GNB5: variants seen among roughly 807,000 people sequenced by gnomAD.
The protein encoded by GNB5 is G protein subunit beta 5, also known as guanine nucleotide-binding protein subunit beta-5.
Under a neutral mutation model 55.3 loss-of-function variants are expected in GNB5, and 37 were observed. That is an observed-to-expected ratio of 0.67 (90% CI 0.51 to 0.88). The LOEUF is 0.88. GNB5 is among the 40% of genes least tolerant of loss of function. GNB5 has a pLI of 0.00. For missense variants in GNB5, 476 were observed against 515.3 expected (o/e 0.92, Z 0.74); for synonymous variants, 219 against 198.5 (o/e 1.10, Z -0.87).
At chr15:52,150,379 T>C (rs143455111) in intron 4 of GNB5, among the ~76,000 whole-genome samples, 3 of 152,310 alleles carry the variant, frequency 2.0e-5, no homozygotes, top group African/African-American at 7.2e-5. Flanking sequence ...CCGATTTGCT[T>C]TGGAGTCCAT....
chr15:52,138,016 C>T, intron 7 of GNB5: 1 of 1,180,078 alleles, frequency 8.5e-7, no homozygotes, highest in South Asian at 1.3e-5. Flanking sequence ...CACACCACAC[C>T]TTCAATTTCC....
In GNB5 at chr15:52,146,503, C is replaced by T. The variant is rs190115726; in HGVS notation, c.494+956G>A. Among the ~76,000 whole-genome samples, 319 of 152,250 alleles carry T rather than the reference C, an allele frequency of 2.1e-3. 1 individual carries two copies. The highest frequency in any genetic ancestry group is 7.4e-3 in the African/African-American group (307 of 41,550). On this transcript the variant is annotated intron_variant, in intron 6 of 12. Transcript: ENST00000261837. The stretch of plus-strand genomic sequence containing the variant: ...TGGCTGTATGATATTCCATTCAATT[C>T]GTGTACCACAATTCACTTAAGTTTT...
At position 52,117,624 on chromosome 15, in the gene GNB5, C is replaced by G. The variant is rs1226731919; in HGVS notation, c.*5133G>C. 1.3e-5 allele frequency: 2 copies of G among 152,306 alleles called. No homozygotes were observed. The highest frequency in any genetic ancestry group is 6.5e-5 in the Admixed American group (1 of 15,292). 9.4% of individuals were successfully genotyped at this position (152,306 alleles called of 1,614,324 possible). On this transcript the variant is annotated 3_prime_UTR_variant, in exon 13 of 13. Transcript: ENST00000261837. ...GAGACTGACCAACCCTGAAGGCCAG[C>G]CTGGCTCCAGCCAAGTGCTGTCTAG...
chr15:52,188,356 G>A (rs1250920279), intron 1 of GNB5, among the ~76,000 whole-genome samples: 1 of 151,846 alleles, frequency 6.6e-6, no homozygotes, highest in East Asian at 1.9e-4. Context: ...AAGTTTGGGG[G>A]AAAAAAAGAT....
intron 5 of GNB5, 73 bp downstream of exon 5, chr15:52,149,811 A>G: frequency 9.1e-7 from 1 of 1,094,020 alleles, no homozygotes; most frequent in Non-Finnish European, 1.4e-6. Context: ...AGGGCCGGGC[A>G]GCTGGACCAG....
intron 2 of GNB5, chr15:52,180,601 T>C (rs1429713488): frequency 6.6e-6 from 1 of 152,178 alleles, no homozygotes; most frequent in Non-Finnish European, 1.5e-5. Flanking sequence ...GTGGGTCAAG[T>C]GGGCGCGCAG....
At chr15:52,124,719 T>A (rs2033376833) in intron 11 of GNB5, 80 bp from the exon 12 acceptor site, 2 of 1,250,346 alleles carry the variant, frequency 1.6e-6, no homozygotes, top group Admixed American at 3.7e-5. Flanking sequence ...ACTCACTCAT[T>A]CAGTAAGCAG....
At chr15:52,166,462 A>G (rs1375905379) in intron 3 of GNB5, among the ~76,000 whole-genome samples, 2 of 152,262 alleles carry the variant, frequency 1.3e-5, no homozygotes. Flanking sequence ...AGTAAATGCA[A>G]AAGAACTGAA....
chr15:52,159,213 T>C (rs573783972), intron 3 of GNB5, among the ~76,000 whole-genome samples: 1 of 152,268 alleles, frequency 6.6e-6, no homozygotes, highest in East Asian at 1.9e-4. Context: ...AGCTCATTTA[T>C]CCCACCGTGA....
At chr15:52,133,532 G>C (rs989788752) in intron 8 of GNB5, 63 bp from the exon 9 acceptor site, 4 of 1,020,226 alleles carry the variant, frequency 3.9e-6, no homozygotes, top group Non-Finnish European at 6.3e-6. Context: ...CAAGGCACGA[G>C]TCCCAGTTAT....
intron 3 of GNB5, among the ~76,000 whole-genome samples, chr15:52,167,749 T>C (rs766489111): frequency 1.3e-5 from 2 of 151,916 alleles, no homozygotes; most frequent in Non-Finnish European, 2.9e-5. Flanking sequence ...CATCAATAAA[T>C]GATTCCCAAT....
intron 2 of GNB5, among the ~76,000 whole-genome samples, chr15:52,182,843 G>C (rs920981975): frequency 2.0e-5 from 3 of 152,182 alleles, no homozygotes; most frequent in African/African-American, 7.2e-5. Context: ...AATGAGAATT[G>C]TTATGAGAAT....
intron 6 of GNB5, 99 bp from the exon 7 acceptor site, chr15:52,141,371 C>G: frequency 1.0e-6 from 1 of 990,426 alleles, no homozygotes; most frequent in Non-Finnish European, 1.6e-6. Context: ...TTCTCTTTAG[C>G]AGTATCATAT....
In GNB5 at chr15:52,179,775, A is replaced by G. The variant is rs144289162; in HGVS notation, c.231T>C (p.Asp77=). Residue 77 remains aspartate (D), a synonymous_variant, in exon 3 of 13, where the codon GAT becomes GAC. Transcript: ENST00000261837. ...KLEEERAKLH[D]VELHQVAERV... ...CTCCCGGCCCGCACTCACGCTCCAC[A>G]TCGTGCAGCTTGGCTCGCTCCTCCT... 5 of 1,488,158 alleles carry G rather than the reference A, an allele frequency of 3.4e-6. No individual in the cohort carries two copies. Among genetic ancestry groups the G allele is most frequent in the African/African-American group, 1.5e-5 (1 of 68,062 alleles). 92.2% of individuals were successfully genotyped at this position (1,488,158 alleles called of 1,614,324 possible).
Position 52,135,702 on chromosome 15 carries a change from G to GC in GNB5, c.681dup (p.Gln228AlafsTer12). 2.5e-6 allele frequency: 4 copies of GC among 1,612,878 alleles called. No homozygotes were observed. Among genetic ancestry groups the GC allele is most frequent in the Non-Finnish European group, 3.4e-6 (4 of 1,179,660 alleles). On this transcript the variant is annotated frameshift_variant, in exon 8 of 13. Transcript: ENST00000261837. LOFTEE classifies it high-confidence loss of function. ...TGTCCGTGGAAGCTCTGCAGCAGCT[G>GC]CCCGCTCTCCACGTCCCACAGGGCA...
At chr15:52,136,942 C>T (rs975100767) in intron 7 of GNB5, 1 of 451,526 alleles carries the variant, frequency 2.2e-6, no homozygotes, top group African/African-American at 2.0e-5. Context: ...AATACCTGCT[C>T]CTGGGAGAAA....
intron 4 of GNB5, 120 bp from the exon 5 acceptor site, chr15:52,150,045 C>T: frequency 1.3e-6 from 1 of 755,534 alleles, no homozygotes; most frequent in Non-Finnish European, 2.3e-6. Context: ...GAATGAGGAT[C>T]TGGATAATCA....
intron 9 of GNB5, among the ~76,000 whole-genome samples, chr15:52,130,632 C>T (rs182330144): frequency 1.3e-5 from 2 of 152,324 alleles, no homozygotes; most frequent in East Asian, 3.9e-4. Context: ...CTCTGACTTC[C>T]TCAGTGCAGG....
chr15:52,173,380 ACTG>A (rs781514937), intron 3 of GNB5, among the ~76,000 whole-genome samples: 23 of 152,336 alleles, frequency 1.5e-4, no homozygotes, highest in Middle Eastern at 3.4e-3. Context: ...CAGCACATTT[ACTG>A]CTTTTTATAA....
Sources: gnomAD v4.1 joint callset for allele counts (sites outside exome capture counted in the v4.1 genomes callset) on GRCh38, gnomAD v4.1.1 for gene constraint, MANE v1.5 for transcripts, NCBI Gene and HGNC (gene_info 2026-07-23, HGNC 2026-07-21) for gene names.